TG: variants seen among roughly 807,000 people sequenced by gnomAD.
The protein encoded by TG is thyroglobulin.
Under a neutral mutation model 324.7 loss-of-function variants are expected in TG, and 270 were observed. The ratio of observed to expected loss-of-function variants is 0.83; its 90% CI spans 0.75 to 0.92. The LOEUF (loss-of-function observed/expected upper bound fraction) is 0.92, where lower values mean the gene tolerates loss of function less well. TG is among the 40% of genes least tolerant of loss of function. The pLI is 0.00. For synonymous variants in TG, 1,401 were observed against 1,327.0 expected, an observed-to-expected ratio of 1.06 and a Z score of -1.21; for missense variants, 3,591 against 3,456.4, an observed-to-expected ratio of 1.04 and a Z score of -0.98.
intron 45 of TG, 68 bp from the exon 46 acceptor site, chr8:133,131,736 TTGTTTGTG>T: frequency 3.8e-6 from 6 of 1,589,698 alleles, no homozygotes; most frequent in Non-Finnish European, 4.3e-6. Context: ...AGAAATATTT[TTGTTTGTG>T]TGTTTGTGTT....
At chr8:133,049,294 A>C (rs760230278) in intron 41 of TG, 32 of 395,996 alleles carry the variant, frequency 8.1e-5, no homozygotes, top group Non-Finnish European at 1.0e-4. Context: ...CATTTTTGGC[A>C]GTAAGGATTC....
intron 25 of TG, among the ~76,000 whole-genome samples, chr8:132,937,077 G>T (rs1429601916): frequency 1.3e-5 from 2 of 152,224 alleles, no homozygotes; most frequent in African/African-American, 4.8e-5. Context: ...GGAAAGCTCA[G>T]CGAGTGTAGA....
chr8:133,049,726 A>C, intron 41 of TG: 13 of 604,230 alleles, frequency 2.2e-5, no homozygotes, highest in Middle Eastern at 3.2e-4. Flanking sequence ...AGAGAGCAGA[A>C]GAGATAAGTT....
rs754309649 is a variant in TG at position 132,967,800 on chromosome 8, T to G, written c.5693T>G (p.Val1898Gly). 1 of 1,613,806 alleles carries G rather than the reference T, an allele frequency of 6.2e-7. No individual in the cohort carries two copies. Among genetic ancestry groups the G allele is most frequent in the Non-Finnish European group, 8.5e-7 (1 of 1,179,828 alleles). The change falls in exon 31 of 48, where the codon GTG becomes GGG. Residue 1898 changes from valine to glycine, a missense_variant. Transcript: ENST00000220616. ...QANLWCLSRCVQEHSFCQLAE... is the reference protein window; with the variant it reads ...QANLWCLSRCGQEHSFCQLAE... ...ACTACTCTCTTGCCTGTAGGTTGTG[T>G]GCAGGAGCACTCTTTCTGTCAGCTC...
intron 43 of TG, among the ~76,000 whole-genome samples, chr8:133,110,465 A>T (rs1850167246): frequency 6.6e-6 from 1 of 152,234 alleles, no homozygotes. Flanking sequence ...TGAAGGAATT[A>T]GCATAGAAAT....
chr8:132,935,962 T>A, intron 25 of TG, 98 bp downstream of exon 25: 2 of 911,770 alleles, frequency 2.2e-6, no homozygotes, highest in Admixed American at 2.0e-5. Context: ...GGAGCCAGAC[T>A]GTCCCGCTCC....
chr8:132,939,576 C>T (rs534845231), intron 25 of TG, among the ~76,000 whole-genome samples: 6 of 152,096 alleles, frequency 3.9e-5, no homozygotes, highest in African/African-American at 1.2e-4. Context: ...AAGACGCTGG[C>T]TTTTTGGAGA....
intron 41 of TG, among the ~76,000 whole-genome samples, chr8:133,042,758 A>G (rs1202675751): frequency 7.7e-6 from 1 of 129,506 alleles, no homozygotes; most frequent in Non-Finnish European, 1.5e-5. Context: ...CAGCAGCACT[A>G]TCTCAGCTCA....
intron 25 of TG, among the ~76,000 whole-genome samples, chr8:132,938,790 C>A (rs1051198287): frequency 1.3e-5 from 2 of 152,122 alleles, no homozygotes; most frequent in African/African-American, 2.4e-5. Context: ...CAGTGGCTTA[C>A]GCCAGTAATC....
At position 133,095,093 on chromosome 8, in the gene TG, A is replaced by C. The variant is rs749843868; in HGVS notation, c.7289A>C (p.Gln2430Pro). Residue 2430 changes from glutamine to proline, a missense_variant, in exon 42 of 48, where the codon CAG becomes CCG. By Grantham distance (76) the Gln-to-Pro change is moderately conservative. Transcript: ENST00000220616. ...GCCGTCATCAGCCATGAGAGGGCTC[A>C]GCAGCAGGCAATTGCTTTGGCAAAG... ...PAAVISHERA[Q>P]QQAIALAKEV... 55 of 1,614,112 alleles carry C rather than the reference A, an allele frequency of 3.4e-5. No homozygotes were observed. In the Admixed American group the frequency reaches 9.2e-4, roughly 27 times the overall value.
At chr8:132,960,468 G>A (rs2142384) in intron 27 of TG, among the ~76,000 whole-genome samples, 114,955 of 152,184 alleles carry the variant, frequency 0.76, 43,790 homozygotes, top group African/African-American at 0.84. Flanking sequence ...GTCATCCAGA[G>A]TGGGATCCAG....
chr8:133,039,159 G>A (rs566861940), intron 41 of TG, among the ~76,000 whole-genome samples: 5 of 152,298 alleles, frequency 3.3e-5, no homozygotes, highest in South Asian at 2.1e-4. Context: ...GGTTACAGGC[G>A]TGAGCCACCG....
At chr8:133,014,616 G>A (rs531280425) in intron 37 of TG, among the ~76,000 whole-genome samples, 1 of 152,346 alleles carries the variant, frequency 6.6e-6, no homozygotes, top group African/African-American at 2.4e-5. Context: ...TAAGTCAGTA[G>A]ATGTGACTGT....
chr8:132,919,259 G>T, intron 20 of TG, 117 bp from the exon 21 acceptor site: 1 of 1,131,944 alleles, frequency 8.8e-7, no homozygotes, highest in Admixed American at 2.0e-5. Context: ...GTGGACATTT[G>T]TTAAATGAAT....
intron 11 of TG, among the ~76,000 whole-genome samples, chr8:132,896,011 C>A (rs1303868270): frequency 6.6e-6 from 1 of 152,242 alleles, no homozygotes; most frequent in Non-Finnish European, 1.5e-5. Context: ...ATTGAGGGCC[C>A]AGAGCGAAGT....
Position 132,976,676 on chromosome 8 carries a change from G to A in TG, c.6199+3935G>A, listed in dbSNP as rs1238230599. 2.0e-5 allele frequency among the ~76,000 whole-genome samples: 3 copies of A among 152,268 alleles called. No homozygotes were observed. In the East Asian group the frequency reaches 5.8e-4, roughly 29 times the overall value. The stretch of plus-strand genomic sequence containing the variant: ...TCAGACTCTCATTCTTCCATCCATG[G>A]CCCCTGAACAGAAAACACCATGGGA... On this transcript the variant is annotated intron_variant, in intron 34 of 47. Coordinates refer to ENST00000220616, the MANE Select transcript of TG (RefSeq NM_003235.5).
chr8:132,997,273 G>A (rs1295377431), intron 35 of TG, among the ~76,000 whole-genome samples: 1 of 152,216 alleles, frequency 6.6e-6, no homozygotes, highest in East Asian at 1.9e-4. Flanking sequence ...GAATGTGGTT[G>A]TGGGTGGAAG....
Position 133,039,974 on chromosome 8 carries a change from C to T in TG, c.7239+9951C>T, listed in dbSNP as rs1310293310. 10 of 1,524,478 alleles carry T rather than the reference C, an allele frequency of 6.6e-6. No homozygotes were observed. In the African/African-American group the frequency reaches 9.7e-5, roughly 15 times the overall value. 94.4% of individuals were successfully genotyped at this position (1,524,478 alleles called of 1,614,324 possible). A position where few individuals can be genotyped will look rare whatever the true frequency, so the allele number is the denominator to read the frequency against. ...GCATGCACACACACACACACACACA[C>T]ACACATACACACACCATACTCACCT... On this transcript the variant is annotated intron_variant, in intron 41 of 47. Coordinates refer to ENST00000220616, the MANE Select transcript of TG (RefSeq NM_003235.5).
At chr8:133,089,712 TA>T (rs920805106) in intron 41 of TG, among the ~76,000 whole-genome samples, 14 of 152,312 alleles carry the variant, frequency 9.2e-5, no homozygotes, top group Non-Finnish European at 1.6e-4. Context: ...ATGCAATACA[TA>T]TTTTGAGTTC....
Sources: allele counts gnomAD v4.1 joint callset (sites outside exome capture counted in the v4.1 genomes callset), GRCh38; gene constraint gnomAD v4.1.1; transcripts MANE v1.5; gene names NCBI Gene and HGNC (gene_info 2026-07-23, HGNC 2026-07-21).